The following BAG4 variants were observed in gnomAD, a reference collection of about 807,000 sequenced individuals.
The protein encoded by BAG4 is BAG family molecular chaperone regulator 4.
In BAG4, 28 loss-of-function variants were observed where a neutral mutation model predicts 52.1. The observed-to-expected ratio is 0.54, with a 90% CI of 0.40 to 0.74. The LOEUF is 0.74. Among genes scored for constraint, BAG4 ranks in the 30% least tolerant of loss-of-function variants. BAG4 has a pLI of 0.00. For missense variants in BAG4, 525 were observed against 572.0 expected (o/e 0.92, Z 0.84); for synonymous variants, 208 against 217.0 (o/e 0.96, Z 0.37).
chr8:38,183,310 G>T (rs568019282), intron 1 of BAG4, among the ~76,000 whole-genome samples: 2 of 152,118 alleles, frequency 1.3e-5, no homozygotes, highest in South Asian at 4.2e-4. Context: ...GCCTCCCACA[G>T]TTCTGGGATT....
chr8:38,182,642 G>T (rs974298175), intron 1 of BAG4, among the ~76,000 whole-genome samples: 4 of 152,156 alleles, frequency 2.6e-5, no homozygotes, highest in African/African-American at 7.2e-5. Flanking sequence ...TTAGGCACAT[G>T]ATAAAATTGG....
intron 2 of BAG4, among the ~76,000 whole-genome samples, chr8:38,195,527 G>C (rs532759257): frequency 6.6e-6 from 1 of 152,264 alleles, no homozygotes; most frequent in African/African-American, 2.4e-5. Flanking sequence ...CTAGCCTCAA[G>C]CTATCCTCCC....
chr8:38,181,757 T>C (rs952154473), intron 1 of BAG4, among the ~76,000 whole-genome samples: 1 of 150,734 alleles, frequency 6.6e-6, no homozygotes, highest in Non-Finnish European at 1.5e-5. Context: ...AAACAAAAAT[T>C]AGCCGGGCGT....
intron 3 of BAG4, among the ~76,000 whole-genome samples, chr8:38,208,199 TCTC>T (rs1186739893): frequency 2.0e-5 from 3 of 151,318 alleles, no homozygotes; most frequent in Non-Finnish European, 4.4e-5. Flanking sequence ...ATGGTCTTGA[TCTC>T]CTGACCTCGT....
intron 2 of BAG4, among the ~76,000 whole-genome samples, chr8:38,194,019 G>A (rs913736918): frequency 6.6e-6 from 1 of 152,094 alleles, no homozygotes; most frequent in Admixed American, 6.6e-5. Flanking sequence ...TTATAGGCGT[G>A]AGCCACCACG....
intron 1 of BAG4, among the ~76,000 whole-genome samples, chr8:38,189,343 G>T (rs750992295): frequency 1.3e-5 from 2 of 152,038 alleles, no homozygotes; most frequent in African/African-American, 4.8e-5. Flanking sequence ...ATGCAGTTTC[G>T]GTTTCTTTGC....
intron 1 of BAG4, among the ~76,000 whole-genome samples, chr8:38,188,478 C>CT (rs1803405162): frequency 6.6e-6 from 1 of 151,778 alleles, no homozygotes; most frequent in Non-Finnish European, 1.5e-5. Flanking sequence ...GATCATTACA[C>CT]TTTATATACA....
At chr8:38,194,409 CTTTTTTTTTT>C (rs750931003) in intron 2 of BAG4, among the ~76,000 whole-genome samples, 2 of 78,598 alleles carry the variant, frequency 2.5e-5, no homozygotes, top group East Asian at 3.7e-4. Flanking sequence ...TAGGTGTGTA[CTTTTTTTTTT>C]TTTTTTTTTT....
At position 38,211,518 on chromosome 8, in the gene BAG4, G is replaced by A. The variant is rs1396028594; in HGVS notation, c.*1025G>A. The A allele has an allele frequency of 6.6e-6, 1 of 151,888 alleles. No individual in the cohort carries two copies. Among genetic ancestry groups the A allele is most frequent in the East Asian group, 1.9e-4 (1 of 5,186 alleles). 9.4% of individuals were successfully genotyped at this position (151,888 alleles called of 1,614,324 possible). A position where few individuals can be genotyped will look rare whatever the true frequency, so the allele number is the denominator to read the frequency against. ...AAAAAGTAATAAATATGATTACTTG[G>A]TAATATCATTCTCCATCTAAAATAC... is the stretch of plus-strand genomic sequence containing the variant. On this transcript the variant is annotated 3_prime_UTR_variant, in exon 5 of 5. Coordinates refer to ENST00000287322, the MANE Select transcript of BAG4 (RefSeq NM_004874.4).
intron 2 of BAG4, among the ~76,000 whole-genome samples, chr8:38,198,590 G>A (rs945396583): frequency 1.3e-5 from 2 of 149,752 alleles, no homozygotes; most frequent in Non-Finnish European, 3.0e-5. Flanking sequence ...CCAGGTTCAA[G>A]CAATTCTCCT....
At chr8:38,192,817 T>G (rs1803498388) in intron 2 of BAG4, 22 bp downstream of exon 2, 1 of 1,522,102 alleles carries the variant, frequency 6.6e-7, no homozygotes, top group African/African-American at 1.4e-5. Context: ...AAACAGAGAC[T>G]TTCTGAACTT....
At chr8:38,201,241 C>T (rs1563283706) in intron 2 of BAG4, among the ~76,000 whole-genome samples, 1 of 152,136 alleles carries the variant, frequency 6.6e-6, no homozygotes, top group Non-Finnish European at 1.5e-5. Flanking sequence ...TAGACATACA[C>T]CTTTTTGAGG....
At chr8:38,208,455 G>A (rs1404195804) in intron 3 of BAG4, among the ~76,000 whole-genome samples, 2 of 148,842 alleles carry the variant, frequency 1.3e-5, no homozygotes, top group African/African-American at 4.9e-5. Flanking sequence ...GACTACAAGC[G>A]CCCGCCACCG....
chr8:38,190,175 T>C (rs947296688), intron 1 of BAG4, among the ~76,000 whole-genome samples: 1 of 152,222 alleles, frequency 6.6e-6, no homozygotes, highest in Non-Finnish European at 1.5e-5. Context: ...TTCCATATTT[T>C]ATCTTTCCTT....
chr8:38,200,886 C>A (rs1803652581), intron 2 of BAG4, among the ~76,000 whole-genome samples: 1 of 152,226 alleles, frequency 6.6e-6, no homozygotes, highest in Non-Finnish European at 1.5e-5. Context: ...GCATGAGCCA[C>A]CATGCCTGGC....
chr8:38,185,566 T>C (rs113478069), intron 1 of BAG4, among the ~76,000 whole-genome samples: 2,215 of 151,182 alleles, frequency 0.015, 30 homozygotes, highest in Middle Eastern at 0.045. Context: ...AAGAAACACC[T>C]TTTTTTTTAG....
At chr8:38,179,659 G>A (rs1327576507) in intron 1 of BAG4, among the ~76,000 whole-genome samples, 2 of 151,774 alleles carry the variant, frequency 1.3e-5, no homozygotes, top group African/African-American at 2.4e-5. Flanking sequence ...CCAGCTATTC[G>A]AGAGGCTGAG....
chr8:38,209,932 T>C (rs1803838308), intron 4 of BAG4, 76 bp from the exon 5 acceptor site: 3 of 1,531,180 alleles, frequency 2.0e-6, no homozygotes, highest in African/African-American at 2.7e-5. Context: ...AAGTGAAAGA[T>C]GTGGGCTAAC....
At chr8:38,201,870 ATATATATATATTTTTTTTT>A (rs1563284126) in intron 2 of BAG4, 6 of 5,592 alleles carry the variant, frequency 1.1e-3, no homozygotes, top group Non-Finnish European at 1.8e-3. Flanking sequence ...ATATATATAT[ATATATATATATTTTTTTTT>A]TTTTTTTTTT....
Sources: gnomAD v4.1 joint callset for allele counts (sites outside exome capture counted in the v4.1 genomes callset) on GRCh38, gnomAD v4.1.1 for gene constraint, MANE v1.5 for transcripts, NCBI Gene and HGNC (gene_info 2026-07-23, HGNC 2026-07-21) for gene names.